The following MCFD2 variants were observed in gnomAD, a reference collection of about 807,000 sequenced individuals.
The protein encoded by MCFD2 is multiple coagulation factor deficiency protein 2.
In MCFD2, 11 loss-of-function variants were observed where a neutral mutation model predicts 12.8. The observed-to-expected ratio is 0.86, with a 90% CI of 0.54 to 1.42. MCFD2 has a LOEUF of 1.42. Among genes scored for constraint, MCFD2 ranks in the 40% most tolerant of loss-of-function variants. MCFD2 has a pLI of 0.00. For missense variants in MCFD2, 191 were observed against 178.6 expected, an observed-to-expected ratio of 1.07 and a Z score of -0.40; for synonymous variants, 70 against 68.1, an observed-to-expected ratio of 1.03 and a Z score of -0.14.
In MCFD2 at chr2:46,929,297, C is replaced by G. The variant is rs886557633; in HGVS notation, c.-8+12275G>C. On this transcript the variant is annotated intron_variant, in intron 1 of 2. Coordinates refer to the MCFD2 transcript ENST00000409147. ...CCCACAGTTCTGAGACCAGCCTGGT[C>G]AACATAGCCAGACCCCATGTCTATA... Among the ~76,000 whole-genome samples the G allele has an allele frequency of 3.9e-5, 6 of 152,164 alleles. No homozygotes were observed. The East Asian group carries it at 1.2e-3, about 29-fold the overall frequency.
At chr2:46,925,992 A>G (rs1270759465) in intron 1 of MCFD2, among the ~76,000 whole-genome samples, 1 of 152,156 alleles carries the variant, frequency 6.6e-6, no homozygotes, top group African/African-American at 2.4e-5. Context: ...CTTAACCTGG[A>G]AAGTTTGGGT....
intron 1 of MCFD2, among the ~76,000 whole-genome samples, chr2:46,927,176 G>A (rs1478577897): frequency 6.6e-6 from 1 of 151,906 alleles, no homozygotes. Flanking sequence ...AGCAAAGACA[G>A]TATTTGAAGA....
intron 1 of MCFD2, among the ~76,000 whole-genome samples, chr2:46,911,631 T>G (rs1443955084): frequency 6.6e-6 from 1 of 151,914 alleles, no homozygotes; most frequent in African/African-American, 2.4e-5. Context: ...AGATTAGAAT[T>G]GTGATTTTCA....
Position 46,941,321 on chromosome 2 carries a change from A to T in MCFD2, c.-8+251T>A. On this transcript the variant is annotated intron_variant, in intron 1 of 2. Coordinates refer to the MCFD2 transcript ENST00000409147. This position sits in a 1 kb window ranked among gnomAD's most constrained non-coding sequence, Gnocchi z 4.2. ...GTACGCGTACGGGCCGCTCGGCCGG[A>T]GCCGCAGCCCGGAGGCGCCGGGCGG... is the stretch of plus-strand genomic sequence containing the variant. The T allele has an allele frequency of 4.7e-6, 1 of 212,746 alleles. No individual in the cohort carries two copies. The highest frequency in any genetic ancestry group is 1.6e-4 in the South Asian group (1 of 6,414). The allele number at this position is 212,746 out of a possible 1,614,324, so 13.2% of individuals were successfully genotyped here.
At chr2:46,925,085 ATC>A (rs1183141413) in intron 1 of MCFD2, among the ~76,000 whole-genome samples, 10 of 152,212 alleles carry the variant, frequency 6.6e-5, no homozygotes, top group African/African-American at 9.7e-5. Context: ...TGTAATACAG[ATC>A]TGTTTGTTGC....
At position 46,908,264 on chromosome 2, in the gene MCFD2, CT is replaced by C. The variant is rs57111138; in HGVS notation, c.150-296del. 0.25 allele frequency: 78,833 copies of C among 321,618 alleles called. 1,442 individuals are homozygous for C. The highest frequency in any genetic ancestry group is 0.32 in the South Asian group (11,500 of 35,558). 19.9% of individuals were successfully genotyped at this position (321,618 alleles called of 1,614,324 possible). On this transcript the variant is annotated intron_variant, in intron 2 of 3. Coordinates refer to ENST00000319466, the MANE Select transcript of MCFD2 (RefSeq NM_139279.6). The surrounding 1 kb of genome is among the most constrained non-coding windows in gnomAD (Gnocchi z 4.5). ...CAATTTAAAAATATGTCCTTTAAAACTTTTTTTTTTTTTTGAGACAGGGTCT... is the reference window on the plus strand; with the variant it reads ...CAATTTAAAAATATGTCCTTTAAAACTTTTTTTTTTTTTGAGACAGGGTCT...
At position 46,907,737 on chromosome 2, in the gene MCFD2, A is replaced by G; in HGVS notation, c.309+73T>C. 6.6e-7 allele frequency: 1 copy of G among 1,517,250 alleles called. No homozygotes were observed. The highest frequency in any genetic ancestry group is 1.1e-5 in the South Asian group (1 of 88,696). 94.0% of individuals were successfully genotyped at this position (1,517,250 alleles called of 1,614,324 possible). ...TGGCACATAAGGACAACACAAGTCA[A>G]CAAGACTGGGGACCAAATTAACAAA... On this transcript the variant is annotated intron_variant, in intron 3 of 3. Coordinates refer to ENST00000319466, the MANE Select transcript of MCFD2 (RefSeq NM_139279.6). This position sits in a 1 kb window ranked among gnomAD's most constrained non-coding sequence, Gnocchi z 4.1.
chr2:46,930,891 CTT>C (rs1669666627), intron 1 of MCFD2, among the ~76,000 whole-genome samples: 2 of 152,140 alleles, frequency 1.3e-5, no homozygotes, highest in African/African-American at 4.8e-5. Flanking sequence ...TATATGAACT[CTT>C]TGGAGAAAAG....
At chr2:46,920,043 G>A (rs1332907058), upstream of MCFD2, among the ~76,000 whole-genome samples, 1 of 152,180 alleles carries the variant, frequency 6.6e-6, no homozygotes, top group Non-Finnish European at 1.5e-5. Flanking sequence ...ATAAACTGGG[G>A]TGGTGAATAT....
Position 46,941,765 on chromosome 2 carries a change from G to A in MCFD2, c.-201C>T. On this transcript the variant is annotated 5_prime_UTR_variant, in exon 1 of 3. Coordinates refer to the MCFD2 transcript ENST00000409147. This position sits in a 1 kb window ranked among gnomAD's most constrained non-coding sequence, Gnocchi z 4.2. ...AGGCTGGCTCGCCGGCAGCGAGCGC[G>A]CGAAACGCACCGCCTCCTCCAGGAA... The A allele has an allele frequency of 6.5e-7, 1 of 1,546,528 alleles. No homozygotes were observed. The highest frequency in any genetic ancestry group is 8.7e-7 in the Non-Finnish European group (1 of 1,145,452).
In MCFD2 at chr2:46,908,611, A is replaced by C. The variant is rs1668345783; in HGVS notation, c.149+412T>G. 1 of 314,188 alleles carries C rather than the reference A, an allele frequency of 3.2e-6. No homozygotes were observed. Among genetic ancestry groups the C allele is most frequent in the African/African-American group, 2.2e-5 (1 of 45,964 alleles). 19.5% of individuals were successfully genotyped at this position (314,188 alleles called of 1,614,324 possible). On this transcript the variant is annotated intron_variant, in intron 2 of 3. Transcript: ENST00000319466. This position sits in a 1 kb window ranked among gnomAD's most constrained non-coding sequence, Gnocchi z 4.5. ...TATAATGCGTGAGGCTAACTGGCCCAAGACAAAAGCTGCAACAAATGATTC... is the reference window on the plus strand; with the variant it reads ...TATAATGCGTGAGGCTAACTGGCCCCAGACAAAAGCTGCAACAAATGATTC...
intron 1 of MCFD2, among the ~76,000 whole-genome samples, chr2:46,929,553 A>C (rs1231321598): frequency 6.6e-6 from 1 of 152,218 alleles, no homozygotes. Context: ...AGATATCATA[A>C]AGGAAATGTA....
At chr2:46,918,843 A>C (rs1049293617), upstream of MCFD2, among the ~76,000 whole-genome samples, 1 of 152,234 alleles carries the variant, frequency 6.6e-6, no homozygotes, top group Non-Finnish European at 1.5e-5. Flanking sequence ...GAAATAACTG[A>C]TTTGAAAGCA....
intron 1 of MCFD2, among the ~76,000 whole-genome samples, chr2:46,935,134 G>A (rs577624158): frequency 1.3e-5 from 2 of 152,096 alleles, no homozygotes; most frequent in South Asian, 4.2e-4. Flanking sequence ...TTGATTACTA[G>A]ACCAACACCC....
At chr2:46,927,207 C>T (rs1041024879) in intron 1 of MCFD2, among the ~76,000 whole-genome samples, 3 of 151,656 alleles carry the variant, frequency 2.0e-5, no homozygotes, top group Non-Finnish European at 4.4e-5. Context: ...AAAAATTTTC[C>T]AGAACCAATG....
chr2:46,910,031 A>T (rs1572613197), intron 1 of MCFD2, among the ~76,000 whole-genome samples: 1 of 152,168 alleles, frequency 6.6e-6, no homozygotes, highest in African/African-American at 2.4e-5. Context: ...GCGGCAGCGG[A>T]CAAGGTTCTG....
chr2:46,911,650 G>A (rs987225673), intron 1 of MCFD2, among the ~76,000 whole-genome samples: 18 of 152,018 alleles, frequency 1.2e-4, no homozygotes, highest in African/African-American at 4.3e-4. Context: ...CAGCCGGCAT[G>A]GTGGCTCGTG....
intron 3 of MCFD2, among the ~76,000 whole-genome samples, chr2:46,906,353 A>G (rs935964628): frequency 7.9e-5 from 12 of 152,062 alleles, no homozygotes; most frequent in African/African-American, 2.4e-4. Context: ...GCTGCCTTCA[A>G]ACCTCACCTG....
At chr2:46,927,878 T>C (rs1003070087) in intron 1 of MCFD2, among the ~76,000 whole-genome samples, 4 of 149,286 alleles carry the variant, frequency 2.7e-5, no homozygotes, top group African/African-American at 1.0e-4. Context: ...TTGGGGTTTT[T>C]TTGGTGTTTT....
Sources: allele counts gnomAD v4.1 joint callset (sites outside exome capture counted in the v4.1 genomes callset), GRCh38; gene constraint gnomAD v4.1.1; non-coding constraint Gnocchi (gnomAD v3.1); transcripts MANE v1.5; gene names NCBI Gene and HGNC (gene_info 2026-07-23, HGNC 2026-07-21).